The following RELN variants were observed in gnomAD, a reference collection of about 807,000 sequenced individuals.
RELN encodes the protein reelin.
Under a neutral mutation model 427.6 loss-of-function variants are expected in RELN, and 108 were observed. That is an observed-to-expected ratio of 0.25 (90% CI 0.22 to 0.30). The LOEUF (loss-of-function observed/expected upper bound fraction) is 0.30. Ranked by LOEUF, RELN falls within the 10% of genes least tolerant of loss-of-function variation. RELN has a pLI of 1.00. For synonymous variants in RELN, 1,524 were observed against 1,513.4 expected, an observed-to-expected ratio of 1.01 and a Z score of -0.16; for missense variants, 3,715 against 4,302.8, an observed-to-expected ratio of 0.86 and a Z score of 3.82.
intron 2 of RELN, among the ~76,000 whole-genome samples, chr7:103,885,553 A>T (rs1364335388): frequency 6.6e-6 from 1 of 152,142 alleles, no homozygotes; most frequent in Non-Finnish European, 1.5e-5. Context: ...ACACATGGAC[A>T]CAAGGAACGG....
intron 3 of RELN, among the ~76,000 whole-genome samples, chr7:103,821,706 T>G (rs1326959222): frequency 6.6e-6 from 1 of 152,174 alleles, no homozygotes; most frequent in South Asian, 2.1e-4. Context: ...AGCCACACTT[T>G]CAATATATTT....
chr7:103,984,287 C>T (rs1797052324), intron 1 of RELN, among the ~76,000 whole-genome samples: 1 of 151,918 alleles, frequency 6.6e-6, no homozygotes, highest in African/African-American at 2.4e-5. Context: ...GATGGAAAGT[C>T]AAATTTACTG....
At chr7:103,982,667 G>A (rs893016920) in intron 1 of RELN, among the ~76,000 whole-genome samples, 2 of 152,088 alleles carry the variant, frequency 1.3e-5, no homozygotes, top group African/African-American at 4.8e-5. Flanking sequence ...GATACAGTGG[G>A]AAGGAGATGG....
rs1216023136 is a variant in RELN, at chr7:103,989,272, A to G, written c.85T>C (p.Tyr29His). Residue 29 changes from tyrosine to histidine, a missense_variant, in exon 1 of 65, where the codon TAT becomes CAT. Transcript: ENST00000428762. The surrounding 1 kb of genome is among the most constrained non-coding windows in gnomAD (Gnocchi z 4.9). Reference protein sequence around the residue: ...ATLRARAAAGYYPRFSPFFFL... With the variant: ...ATLRARAAAGHYPRFSPFFFL... ...AAGAAGGGCGAAAAGCGGGGGTAAT[A>G]GCCAGCCGCCGCGCGCGCCCTCAGC... 1 of 1,613,422 alleles carries G rather than the reference A, an allele frequency of 6.2e-7. No homozygotes were observed. Among genetic ancestry groups the G allele is most frequent in the Non-Finnish European group, 8.5e-7 (1 of 1,179,866 alleles).
Position 103,486,422 on chromosome 7 carries a change from G to C in RELN, c.9764-6C>G. On this transcript the variant is annotated splice_region_variant and splice_polypyrimidine_tract_variant and intron_variant, in intron 60 of 64. Coordinates refer to ENST00000428762, the MANE Select transcript of RELN (RefSeq NM_005045.4). ...GAAAACAGAGCAGTCATCACCTAGA[G>C]GACAAGGAGCAGTCACAGAAATTAA... is the stretch of plus-strand genomic sequence containing the variant. The C allele has an allele frequency of 6.2e-7, 1 of 1,609,210 alleles. No individual in the cohort carries two copies. The highest frequency in any genetic ancestry group is 8.5e-7 in the Non-Finnish European group (1 of 1,175,666).
At chr7:103,554,401 G>A (rs1353611503) in intron 38 of RELN, among the ~76,000 whole-genome samples, 2 of 150,288 alleles carry the variant, frequency 1.3e-5, no homozygotes, top group Non-Finnish European at 3.0e-5. Context: ...CTATAAAAAA[G>A]CAAACAAATA....
At chr7:103,682,420 T>C (rs55972872) in intron 10 of RELN, among the ~76,000 whole-genome samples, 159 bp from the exon 11 acceptor site, 1 of 152,210 alleles carries the variant, frequency 6.6e-6, no homozygotes, top group African/African-American at 2.4e-5. Flanking sequence ...TTTTGCCTTG[T>C]TTAATTCAAT....
intron 1 of RELN, among the ~76,000 whole-genome samples, chr7:103,982,718 T>A (rs1267986878): frequency 6.6e-6 from 1 of 152,202 alleles, no homozygotes; most frequent in African/African-American, 2.4e-5. Flanking sequence ...TTAGTCCTTA[T>A]GGTCTACTGT....
intron 4 of RELN, among the ~76,000 whole-genome samples, chr7:103,760,530 A>G (rs529190395): frequency 6.6e-6 from 1 of 152,270 alleles, no homozygotes; most frequent in African/African-American, 2.4e-5. Flanking sequence ...ACTCAGTGCA[A>G]AGAATGGAGA....
chr7:103,934,962 T>C (rs118037208), intron 1 of RELN, among the ~76,000 whole-genome samples: 6 of 152,258 alleles, frequency 3.9e-5, no homozygotes, highest in Non-Finnish European at 7.4e-5. Context: ...ATAGAACAAC[T>C]AGCAGCTAAA....
intron 11 of RELN, among the ~76,000 whole-genome samples, chr7:103,674,230 C>T (rs1833460206): frequency 6.6e-6 from 1 of 152,110 alleles, no homozygotes; most frequent in Non-Finnish European, 1.5e-5. Context: ...CCATTTCTCG[C>T]ATCTCTAATT....
intron 28 of RELN, among the ~76,000 whole-genome samples, chr7:103,583,592 C>G (rs1831203019): frequency 6.6e-6 from 1 of 152,174 alleles, no homozygotes; most frequent in African/African-American, 2.4e-5. Flanking sequence ...ATATCAGACA[C>G]CCATCCTTTC....
intron 3 of RELN, among the ~76,000 whole-genome samples, chr7:103,780,747 G>A (rs898173215): frequency 6.6e-5 from 10 of 151,998 alleles, no homozygotes; most frequent in African/African-American, 2.4e-4. Context: ...TTTTTTTATG[G>A]CTGCGTAGTA....
intron 3 of RELN, among the ~76,000 whole-genome samples, 171 bp from the exon 4 acceptor site, chr7:103,776,798 AG>A (rs1245619462): frequency 6.6e-6 from 1 of 152,222 alleles, no homozygotes; most frequent in Non-Finnish European, 1.5e-5. Flanking sequence ...GCTTAAACCA[AG>A]GCACCTGGGT....
chr7:103,473,013 T>G (rs748531891), intron 64 of RELN, 105 bp from the exon 65 acceptor site: 1 of 1,002,616 alleles, frequency 1.0e-6, no homozygotes, highest in South Asian at 1.3e-5. Context: ...TACTCTGATA[T>G]TTGTTTGAAA....
At position 103,950,179 on chromosome 7, in the gene RELN, C is replaced by T. The variant is rs1796305505; in HGVS notation, c.227-32994G>A. On this transcript the variant is annotated intron_variant, in intron 1 of 64. Transcript: ENST00000428762. ...GGCTATCTTTTATAAGGGCACTAAT[C>T]CTTTCACGAAGGTTCCGCCCTCATG... 4.6e-5 allele frequency among the ~76,000 whole-genome samples: 7 copies of T among 152,228 alleles called. No homozygotes were observed. The South Asian group carries it at 1.5e-3, about 32-fold the overall frequency.
chr7:103,868,063 C>A (rs529093951), intron 2 of RELN, among the ~76,000 whole-genome samples: 84 of 152,142 alleles, frequency 5.5e-4, no homozygotes, highest in Non-Finnish European at 1.0e-3. Context: ...CCCAAAGGCA[C>A]CCCTAAGGCC....
intron 2 of RELN, among the ~76,000 whole-genome samples, chr7:103,857,090 G>A (rs1793965173): frequency 6.6e-6 from 1 of 151,992 alleles, no homozygotes; most frequent in African/African-American, 2.4e-5. Context: ...TCAATTAACT[G>A]CATTACCCCT....
chr7:103,533,405 T>C (rs999408744), intron 46 of RELN, among the ~76,000 whole-genome samples: 2 of 152,202 alleles, frequency 1.3e-5, no homozygotes, highest in African/African-American at 4.8e-5. Context: ...TGAATATAAA[T>C]GTAGATGTAG....
Sources: allele counts gnomAD v4.1 joint callset (sites outside exome capture counted in the v4.1 genomes callset), GRCh38; gene constraint gnomAD v4.1.1; non-coding constraint Gnocchi (gnomAD v3.1); transcripts MANE v1.5; gene names NCBI Gene and HGNC (gene_info 2026-07-23, HGNC 2026-07-21).